Variants in PCCA observed in about 807,000 individuals in gnomAD.
PCCA encodes propionyl-CoA carboxylase alpha chain, mitochondrial.
Under a neutral mutation model 101.3 loss-of-function variants are expected in PCCA, and 74 were observed. The ratio of observed to expected loss-of-function variants is 0.73; its 90% confidence interval spans 0.61 to 0.89. The LOEUF is 0.89. Ranked by LOEUF, PCCA falls within the 40% of genes least tolerant of loss-of-function variation. PCCA has a pLI of 0.00. For missense variants in PCCA, 891 were observed against 907.0 expected, an observed-to-expected ratio of 0.98 and a Z score of 0.23; for synonymous variants, 294 against 313.6, an observed-to-expected ratio of 0.94 and a Z score of 0.66.
chr13:100,133,312 A>G (rs1214202896), intron 4 of PCCA, among the ~76,000 whole-genome samples: 3 of 152,290 alleles, frequency 2.0e-5, no homozygotes, highest in South Asian at 2.1e-4. Flanking sequence ...TGTTGGATGT[A>G]TGATTGGCAA....
intron 18 of PCCA, among the ~76,000 whole-genome samples, chr13:100,343,936 T>C (rs1238777998): frequency 1.3e-5 from 2 of 152,082 alleles, no homozygotes; most frequent in East Asian, 3.9e-4. Context: ...TTAGCCAGGC[T>C]TGGTGGCGCA....
chr13:100,508,574 T>A (rs1012172502), intron 21 of PCCA, among the ~76,000 whole-genome samples: 7 of 152,386 alleles, frequency 4.6e-5, no homozygotes, highest in Middle Eastern at 3.4e-3. Flanking sequence ...CTGGATGATT[T>A]ACTTTGTGTT....
intron 19 of PCCA, among the ~76,000 whole-genome samples, chr13:100,369,994 A>G (rs913226167): frequency 6.7e-6 from 1 of 148,586 alleles, no homozygotes; most frequent in African/African-American, 2.4e-5. Flanking sequence ...GTAATCTGAT[A>G]TTCTGATACA....
Position 100,112,013 on chromosome 13 carries a change from G to A in PCCA, c.252G>A (p.Lys84=). ...IACRVIRTCK[K]MGIKTVAIHS... The stretch of plus-strand genomic sequence containing the variant: ...AATAGGTTATTAGAACTTGCAAGAA[G>A]ATGGGCATTAAGACAGTTGCCATCC... Residue 84 remains lysine (K), a synonymous_variant, in exon 4 of 24, where the codon AAG becomes AAA. Coordinates refer to ENST00000376285, the MANE Select transcript of PCCA (RefSeq NM_000282.4). 1 of 1,609,872 alleles carries A rather than the reference G, an allele frequency of 6.2e-7. No individual in the cohort carries two copies. The highest frequency in any genetic ancestry group is 8.5e-7 in the Non-Finnish European group (1 of 1,177,620).
intron 22 of PCCA, among the ~76,000 whole-genome samples, chr13:100,520,107 A>G (rs1396895376): frequency 6.6e-6 from 1 of 152,272 alleles, no homozygotes; most frequent in Non-Finnish European, 1.5e-5. Flanking sequence ...AGACTTTAAA[A>G]TTATGAAATA....
rs180964766 is a variant in PCCA at position 100,238,013 on chromosome 13, A to G, written c.637+2135A>G. ...GAGTGCAGTGGTGCGATCTCTGCTC[A>G]CTGCAACTTCTGCCTCCCGGGTTCA... On this transcript the variant is annotated intron_variant, in intron 8 of 23. Transcript: ENST00000376285. Among the ~76,000 whole-genome samples, 76 of 145,404 alleles carry G rather than the reference A, an allele frequency of 5.2e-4. 1 individual carries two copies. Among genetic ancestry groups the G allele is most frequent in the South Asian group, 3.9e-3 (18 of 4,646 alleles).
At chr13:100,144,132 T>G (rs1220399056) in intron 4 of PCCA, among the ~76,000 whole-genome samples, 4 of 152,174 alleles carry the variant, frequency 2.6e-5, no homozygotes, top group African/African-American at 9.7e-5. Context: ...TAAGGAAAAC[T>G]TCTTGAGCTC....
At chr13:100,319,952 T>C (rs941820081) in intron 16 of PCCA, among the ~76,000 whole-genome samples, 1 of 152,244 alleles carries the variant, frequency 6.6e-6, no homozygotes, top group Non-Finnish European at 1.5e-5. Flanking sequence ...TAGTTCTTCC[T>C]ATCCATGAGC....
chr13:100,479,506 T>A (rs1374276131), intron 21 of PCCA: 6 of 152,236 alleles, frequency 3.9e-5, no homozygotes, highest in Non-Finnish European at 8.8e-5. Flanking sequence ...GTTACATGAT[T>A]ATATACTGTA....
At chr13:100,459,882 C>G (rs778945649) in intron 21 of PCCA, among the ~76,000 whole-genome samples, 23 of 152,222 alleles carry the variant, frequency 1.5e-4, no homozygotes, top group Non-Finnish European at 2.5e-4. Context: ...AATGCCTATT[C>G]TCCCGTAGCA....
chr13:100,360,463 TAA>T (rs1470790732), intron 18 of PCCA, among the ~76,000 whole-genome samples: 2 of 152,192 alleles, frequency 1.3e-5, no homozygotes, highest in Non-Finnish European at 2.9e-5. Flanking sequence ...GATCTACATG[TAA>T]AACATCTAAA....
At chr13:100,192,474 C>A (rs376895599) in intron 6 of PCCA, among the ~76,000 whole-genome samples, 2 of 152,154 alleles carry the variant, frequency 1.3e-5, no homozygotes, top group Non-Finnish European at 2.9e-5. Flanking sequence ...AAATTGAAAT[C>A]TAGTTGTTGT....
chr13:100,366,339 C>T (rs1272531462), intron 18 of PCCA, among the ~76,000 whole-genome samples: 2 of 152,146 alleles, frequency 1.3e-5, no homozygotes, highest in African/African-American at 4.8e-5. Context: ...TCTTGCTCTC[C>T]TGGGCAAGTC....
intron 13 of PCCA, 131 bp downstream of exon 13, chr13:100,301,734 A>G: frequency 1.9e-6 from 2 of 1,055,304 alleles, no homozygotes; most frequent in East Asian, 2.4e-5. Flanking sequence ...ATCCATAATT[A>G]AATCAGAAAA....
At chr13:100,204,736 C>T (rs1257568197) in intron 6 of PCCA, among the ~76,000 whole-genome samples, 1 of 152,182 alleles carries the variant, frequency 6.6e-6, no homozygotes, top group African/African-American at 2.4e-5. Context: ...CATAGAGTCA[C>T]AGAATTTAGG....
At chr13:100,197,309 G>A (rs1465011009) in intron 6 of PCCA, among the ~76,000 whole-genome samples, 1 of 151,768 alleles carries the variant, frequency 6.6e-6, no homozygotes, top group Non-Finnish European at 1.5e-5. Flanking sequence ...CTGGGCTCAA[G>A]CAGTCCTCCT....
chr13:100,415,083 G>A (rs2078275491), intron 19 of PCCA, among the ~76,000 whole-genome samples: 1 of 152,146 alleles, frequency 6.6e-6, no homozygotes, highest in Admixed American at 6.5e-5. Context: ...TTGAGTTGGA[G>A]TGTATTATTT....
chr13:100,163,096 C>G (rs1467928346), intron 6 of PCCA, among the ~76,000 whole-genome samples: 1 of 152,152 alleles, frequency 6.6e-6, no homozygotes, highest in Non-Finnish European at 1.5e-5. Flanking sequence ...AAAACTCTCC[C>G]TTTACAGTTA....
rs540311957 is a variant in PCCA at position 100,322,270 on chromosome 13, C to T, written c.1430-8291C>T. Among the ~76,000 whole-genome samples, 14 of 152,182 alleles carry T rather than the reference C, an allele frequency of 9.2e-5. No individual in the cohort carries two copies. The East Asian group carries it at 2.1e-3, about 23-fold the overall frequency. On this transcript the variant is annotated intron_variant, in intron 16 of 23. Transcript: ENST00000376285. ...AAGCTCAAGCAAGCAATGAGAGAGT[C>T]GGAAGTTGCGTACATCACTTTAGCT...
Sources: allele counts gnomAD v4.1 joint callset (sites outside exome capture counted in the v4.1 genomes callset), GRCh38; gene constraint gnomAD v4.1.1; transcripts MANE v1.5; gene names NCBI Gene and HGNC (gene_info 2026-07-23, HGNC 2026-07-21).